TAFA5: variants seen among roughly 807,000 people sequenced by gnomAD.
TAFA5 encodes the protein chemokine-like protein TAFA-5.
Under a neutral mutation model 15.3 loss-of-function variants are expected in TAFA5, and 6 were observed. That is an observed-to-expected ratio of 0.39 (90% CI 0.21 to 0.77). TAFA5 has a LOEUF of 0.77. Among genes scored for constraint, TAFA5 ranks in the 30% least tolerant of loss-of-function variants. TAFA5 has a pLI of 0.41. For synonymous variants in TAFA5, 103 were observed against 80.7 expected (o/e 1.28, Z -1.48); for missense variants, 161 against 193.1 (o/e 0.83, Z 0.98).
At chr22:48,533,413 C>T (rs556151712) in intron 1 of TAFA5, among the ~76,000 whole-genome samples, 2 of 152,306 alleles carry the variant, frequency 1.3e-5, no homozygotes, top group South Asian at 2.1e-4. Context: ...GTGAGGACTC[C>T]AGGGCAGGCC....
At chr22:48,708,791 C>G (rs1929162348) in intron 3 of TAFA5, among the ~76,000 whole-genome samples, 1 of 152,212 alleles carries the variant, frequency 6.6e-6, no homozygotes, top group South Asian at 2.1e-4. Flanking sequence ...GGCATCCGAG[C>G]CTCCTCCCAG....
intron 1 of TAFA5, among the ~76,000 whole-genome samples, chr22:48,600,245 TGGG>T (rs1924916058): frequency 6.6e-6 from 1 of 151,864 alleles, no homozygotes; most frequent in East Asian, 1.9e-4. Context: ...TGAAGGGAAA[TGGG>T]GGAGTGGACG....
chr22:48,522,778 A>T (rs1921649088), intron 1 of TAFA5, among the ~76,000 whole-genome samples: 1 of 152,194 alleles, frequency 6.6e-6, no homozygotes, highest in African/African-American at 2.4e-5. Flanking sequence ...GCCAACTGTA[A>T]GTCGGCCCAA....
intron 2 of TAFA5, among the ~76,000 whole-genome samples, chr22:48,694,181 A>T (rs1289841316): frequency 6.6e-6 from 1 of 152,154 alleles, no homozygotes; most frequent in Non-Finnish European, 1.5e-5. Context: ...TTGATTCCCC[A>T]TAGGTAGAAA....
At chr22:48,651,664 G>T (rs1043923889) in intron 2 of TAFA5, among the ~76,000 whole-genome samples, 24 of 152,168 alleles carry the variant, frequency 1.6e-4, no homozygotes, top group Admixed American at 1.6e-3. Flanking sequence ...AGCCTTAGGC[G>T]GGTGGACGCT....
At chr22:48,673,837 A>C (rs973370655) in intron 2 of TAFA5, among the ~76,000 whole-genome samples, 8 of 152,132 alleles carry the variant, frequency 5.3e-5, no homozygotes, top group African/African-American at 1.9e-4. Flanking sequence ...CTGCCAACCC[A>C]CAGGTTCTTT....
intron 1 of TAFA5, among the ~76,000 whole-genome samples, chr22:48,573,291 T>G (rs1300312427): frequency 3.9e-5 from 6 of 152,256 alleles, no homozygotes. Context: ...GTCCAGAGAC[T>G]GGGCCCAGGA....
At chr22:48,576,238 T>TC in intron 1 of TAFA5, 1 of 392,374 alleles carries the variant, frequency 2.5e-6, no homozygotes, top group Non-Finnish European at 3.8e-6. Context: ...TCTGCTAACC[T>TC]CCCCGCCCCC....
chr22:48,546,372 C>T (rs1569020882), intron 1 of TAFA5: 1 of 392,488 alleles, frequency 2.5e-6, no homozygotes, highest in Non-Finnish European at 5.3e-6. Flanking sequence ...ATTAATTCAG[C>T]AAACACATGC....
At chr22:48,604,532 G>A (rs35192381) in intron 1 of TAFA5, among the ~76,000 whole-genome samples, 19,451 of 152,284 alleles carry the variant, frequency 0.13, 1,353 homozygotes, top group African/African-American at 0.17. Context: ...GCTACAGGGA[G>A]TGCTCAAGCT....
At chr22:48,629,594 G>T (rs576743229) in intron 1 of TAFA5, among the ~76,000 whole-genome samples, 1 of 152,198 alleles carries the variant, frequency 6.6e-6, no homozygotes, top group Non-Finnish European at 1.5e-5. Context: ...GGAGTCACAG[G>T]TTGGGTCACA....
At chr22:48,691,056 C>T (rs1008908756) in intron 2 of TAFA5, among the ~76,000 whole-genome samples, 2 of 152,190 alleles carry the variant, frequency 1.3e-5, no homozygotes, top group East Asian at 1.9e-4. Flanking sequence ...GGAGACCCGC[C>T]GTAAAGCAGG....
In TAFA5 at chr22:48,638,762, G is replaced by C. The variant is rs540716489; in HGVS notation, c.113-7835G>C. Among the ~76,000 whole-genome samples, 515 of 104,884 alleles carry C rather than the reference G, an allele frequency of 4.9e-3. 32 individuals are homozygous for C. Among genetic ancestry groups the C allele is most frequent in the African/African-American group, 0.024 (464 of 19,294 alleles). The allele number at this position is 104,884 out of a possible 152,430, so 68.8% of individuals were successfully genotyped here. A position where few individuals can be genotyped will look rare whatever the true frequency, so the allele number is the denominator to read the frequency against. The stretch of plus-strand genomic sequence containing the variant: ...GCCCTGGGACACCACACACAGGCGG[G>C]ACCCCCCCCATCCCCCGACACTAAG... On this transcript the variant is annotated intron_variant, in intron 1 of 3. Coordinates refer to ENST00000402357, the MANE Select transcript of TAFA5 (RefSeq NM_001082967.3).
At chr22:48,528,032 T>G (rs1192999214) in intron 1 of TAFA5, among the ~76,000 whole-genome samples, 2 of 152,236 alleles carry the variant, frequency 1.3e-5, no homozygotes, top group Admixed American at 6.5e-5. Context: ...GACAGGCAGA[T>G]GAAAGCGGCA....
At chr22:48,675,984 G>T (rs1457637556) in intron 2 of TAFA5, among the ~76,000 whole-genome samples, 2 of 152,294 alleles carry the variant, frequency 1.3e-5, no homozygotes, top group South Asian at 2.1e-4. Context: ...TGGCAAGCAG[G>T]TGCTGCCTCC....
At chr22:48,569,974 G>A (rs539241408) in intron 1 of TAFA5, among the ~76,000 whole-genome samples, 6 of 152,336 alleles carry the variant, frequency 3.9e-5, no homozygotes, top group South Asian at 2.1e-4. Context: ...ACATAGCCGC[G>A]GTGCCAGAGG....
At chr22:48,499,609 G>A (rs1920942075) in intron 1 of TAFA5, among the ~76,000 whole-genome samples, 1 of 152,190 alleles carries the variant, frequency 6.6e-6, no homozygotes. Context: ...GGGTGGCGCC[G>A]GGGTCAGCCG....
At chr22:48,505,757 G>A (rs1446773088) in intron 1 of TAFA5, among the ~76,000 whole-genome samples, 1 of 152,204 alleles carries the variant, frequency 6.6e-6, no homozygotes, top group Non-Finnish European at 1.5e-5. Flanking sequence ...ACCACCCTCA[G>A]GCTTGAAGAT....
At chr22:48,710,166 C>T (rs940644956) in intron 3 of TAFA5, among the ~76,000 whole-genome samples, 1 of 152,140 alleles carries the variant, frequency 6.6e-6, no homozygotes, top group African/African-American at 2.4e-5. Flanking sequence ...CGCTCCTGCC[C>T]AGGGTTACCG....
Sources: gnomAD v4.1 joint callset for allele counts (sites outside exome capture counted in the v4.1 genomes callset) on GRCh38, gnomAD v4.1.1 for gene constraint, MANE v1.5 for transcripts, NCBI Gene and HGNC (gene_info 2026-07-23, HGNC 2026-07-21) for gene names.